Variants in BLTP1 observed in about 807,000 individuals in gnomAD.
BLTP1 encodes the protein fragile site-associated protein.
the BLTP1 span, among the ~76,000 whole-genome samples, chr4:122,159,037 A>G: frequency 6.6e-6 from 1 of 152,198 alleles, no homozygotes; most frequent in South Asian, 2.1e-4. Context: ...TCTTTTGCCT[A>G]GTATTTGATT....
At chr4:122,194,376 G>T in the BLTP1 span, 1 of 203,658 alleles carries the variant, frequency 4.9e-6, no homozygotes, top group Non-Finnish European at 8.7e-6. Context: ...TGTTAAACTT[G>T]AAAGTAAGCA....
chr4:122,282,953 C>A, the BLTP1 span, among the ~76,000 whole-genome samples: 1 of 151,824 alleles, frequency 6.6e-6, no homozygotes, highest in African/African-American at 2.4e-5. Context: ...TTCATAAATT[C>A]TGTATATTAA....
chr4:122,339,209 C>G, the BLTP1 span: 10 of 1,611,212 alleles, frequency 6.2e-6, no homozygotes, highest in Admixed American at 1.7e-5. Context: ...ATTTTTAGCC[C>G]TCACAGATCA....
the BLTP1 span, among the ~76,000 whole-genome samples, chr4:122,307,144 A>T: frequency 6.6e-6 from 1 of 152,242 alleles, no homozygotes; most frequent in African/African-American, 2.4e-5. Context: ...ATAATGAGAT[A>T]TCTTGGGGCT....
At chr4:122,303,277 A>G in the BLTP1 span, among the ~76,000 whole-genome samples, 1 of 152,216 alleles carries the variant, frequency 6.6e-6, no homozygotes, top group Admixed American at 6.5e-5. Flanking sequence ...TCTTTTTACA[A>G]CATGGTTCAC....
the BLTP1 span, chr4:122,229,071 A>C: frequency 6.9e-7 from 1 of 1,449,534 alleles, no homozygotes; most frequent in African/African-American, 1.4e-5. Context: ...AAGTATCAAA[A>C]TAATAAGTTG....
At chr4:122,337,125 G>A in the BLTP1 span, 2 of 1,028,196 alleles carry the variant, frequency 1.9e-6, no homozygotes, top group African/African-American at 1.6e-5. Flanking sequence ...CTTAACCTCA[G>A]GTTCATGAAC....
the BLTP1 span, among the ~76,000 whole-genome samples, chr4:122,332,869 G>C: frequency 1.8e-5 from 2 of 113,552 alleles, no homozygotes; most frequent in South Asian, 3.3e-4. Flanking sequence ...CTATGAGTGA[G>C]AATATGCGGT....
the BLTP1 span, among the ~76,000 whole-genome samples, chr4:122,259,422 T>A: frequency 1.1e-4 from 17 of 152,128 alleles, no homozygotes; most frequent in Non-Finnish European, 2.5e-4. Flanking sequence ...GAGAAATAAT[T>A]GAGTTAATTC....
chr4:122,289,202 T>C, the BLTP1 span: 4 of 1,569,456 alleles, frequency 2.5e-6, no homozygotes, highest in Non-Finnish European at 3.5e-6. Flanking sequence ...GGTAAGATGA[T>C]CTAGTACCTT....
At chr4:122,319,897 C>G in the BLTP1 span, among the ~76,000 whole-genome samples, 314 of 152,094 alleles carry the variant, frequency 2.1e-3, no homozygotes, top group Admixed American at 5.2e-3. Context: ...AATGTGGTCT[C>G]TCTTGGTGAA....
chr4:122,336,567 C>T, the BLTP1 span: 5 of 818,262 alleles, frequency 6.1e-6, no homozygotes, highest in Middle Eastern at 6.1e-4. Flanking sequence ...TTCCCATGGC[C>T]CCACCTAGTT....
the BLTP1 span, chr4:122,169,790 C>A: frequency 1.0e-6 from 1 of 984,608 alleles, no homozygotes; most frequent in Non-Finnish European, 1.2e-6. Context: ...TCCTAAGTAT[C>A]TGATAGCAGG....
At chr4:122,272,047 G>T in the BLTP1 span, 1 of 1,312,256 alleles carries the variant, frequency 7.6e-7, no homozygotes, top group East Asian at 2.4e-5. Flanking sequence ...GGGATTAGGA[G>T]AAAGAGGACT....
the BLTP1 span, chr4:122,261,711 A>G: frequency 1.0e-6 from 1 of 984,038 alleles, no homozygotes; most frequent in Non-Finnish European, 1.2e-6. Context: ...CTTAGTAAGT[A>G]TGTAAGGGAC....
chr4:122,355,408 C>G, the BLTP1 span, among the ~76,000 whole-genome samples: 2 of 151,770 alleles, frequency 1.3e-5, no homozygotes, highest in Non-Finnish European at 2.9e-5. Flanking sequence ...TAGTGAAATT[C>G]CAACTTCAGA....
chr4:122,189,635 A>G, the BLTP1 span: 20 of 932,564 alleles, frequency 2.1e-5, no homozygotes, highest in African/African-American at 2.9e-4. Flanking sequence ...TCCAGTGATC[A>G]TCATTCCATT....
At chr4:122,249,053 ATG>A in the BLTP1 span, 2 of 962,302 alleles carry the variant, frequency 2.1e-6, no homozygotes, top group Non-Finnish European at 2.5e-6. Context: ...AATTGTAGTT[ATG>A]TAAAATATGT....
chr4:122,244,680 C>T, the BLTP1 span: 1 of 961,972 alleles, frequency 1.0e-6, no homozygotes, highest in African/African-American at 1.8e-5. Context: ...CCTTTTCCTG[C>T]AAAAGCACAT....
Sources: gnomAD v4.1 joint callset for allele counts (sites outside exome capture counted in the v4.1 genomes callset) on GRCh38, gnomAD v4.1.1 for gene constraint, MANE v1.5 for transcripts, NCBI Gene and HGNC (gene_info 2026-07-23, HGNC 2026-07-21) for gene names.